CNTNAP5: variants seen among roughly 807,000 people sequenced by gnomAD.
CNTNAP5 encodes contactin associated protein family member 5, also known as contactin-associated protein-like 5.
A neutral mutation model predicts 150.2 loss-of-function variants in CNTNAP5; 72 were observed. The ratio of observed to expected loss-of-function variants is 0.48; its 90% CI spans 0.40 to 0.58. The LOEUF is 0.58. Among genes scored for constraint, CNTNAP5 ranks in the 20% least tolerant of loss-of-function variants. The pLI is 0.00. For missense variants in CNTNAP5, 1,636 were observed against 1,626.2 expected, an observed-to-expected ratio of 1.01 and a Z score of -0.10; for synonymous variants, 672 against 619.8, an observed-to-expected ratio of 1.08 and a Z score of -1.25.
intron 3 of CNTNAP5, among the ~76,000 whole-genome samples, chr2:124,330,808 A>G (rs527386862): frequency 6.6e-6 from 1 of 152,360 alleles, no homozygotes; most frequent in South Asian, 2.1e-4. Flanking sequence ...ACAAAAGTAT[A>G]TATTACCAAA....
intron 3 of CNTNAP5, among the ~76,000 whole-genome samples, chr2:124,408,430 A>C (rs1208789444): frequency 6.6e-6 from 1 of 152,242 alleles, no homozygotes; most frequent in Non-Finnish European, 1.5e-5. Flanking sequence ...CTCTGGGGGC[A>C]GGGCACAGAC....
At chr2:124,421,093 T>C (rs553648239) in intron 4 of CNTNAP5, among the ~76,000 whole-genome samples, 4 of 152,320 alleles carry the variant, frequency 2.6e-5, no homozygotes, top group Non-Finnish European at 5.9e-5. Flanking sequence ...AGTTTGCTAA[T>C]TGGCTATCTC....
intron 1 of CNTNAP5, among the ~76,000 whole-genome samples, chr2:124,036,177 G>A (rs940171083): frequency 2.6e-5 from 4 of 151,676 alleles, no homozygotes; most frequent in Non-Finnish European, 4.4e-5. Flanking sequence ...ACCCGCCTCG[G>A]CCTCCCAAAG....
chr2:124,085,866 A>G (rs1008911545), intron 1 of CNTNAP5, among the ~76,000 whole-genome samples: 6 of 152,172 alleles, frequency 3.9e-5, no homozygotes, highest in Admixed American at 3.3e-4. Context: ...AATACACGCT[A>G]CTTGATTTCA....
intron 13 of CNTNAP5, among the ~76,000 whole-genome samples, chr2:124,655,537 TTATATA>T (rs35983123): frequency 0.2 from 29,500 of 147,972 alleles, 3,661 homozygotes; most frequent in African/African-American, 0.37. Flanking sequence ...CATCAAATGA[TTATATA>T]TATATATATA....
chr2:124,580,762 C>A (rs371270213), intron 11 of CNTNAP5, among the ~76,000 whole-genome samples: 1 of 152,128 alleles, frequency 6.6e-6, no homozygotes, highest in South Asian at 2.1e-4. Context: ...TGTATCTGTT[C>A]GCCTTAACAA....
chr2:124,456,927 A>G (rs1558910799), intron 6 of CNTNAP5, among the ~76,000 whole-genome samples: 1 of 152,260 alleles, frequency 6.6e-6, no homozygotes, highest in Non-Finnish European at 1.5e-5. Context: ...ATGTGAATTA[A>G]AGACTTAAAT....
At chr2:124,456,599 C>G (rs1693124215) in intron 6 of CNTNAP5, among the ~76,000 whole-genome samples, 1 of 151,970 alleles carries the variant, frequency 6.6e-6, no homozygotes, top group South Asian at 2.1e-4. Flanking sequence ...AAAAAGGAGC[C>G]CACATAGTCA....
chr2:124,399,675 G>C (rs1691353673), intron 3 of CNTNAP5, among the ~76,000 whole-genome samples: 1 of 152,132 alleles, frequency 6.6e-6, no homozygotes, highest in African/African-American at 2.4e-5. Flanking sequence ...AGAGCCCACA[G>C]TCTGTGAGTA....
At chr2:124,747,600 A>AGCT (rs796275189) in intron 14 of CNTNAP5, among the ~76,000 whole-genome samples, 13 of 146,372 alleles carry the variant, frequency 8.9e-5, no homozygotes, top group African/African-American at 3.3e-4. Flanking sequence ...TCATACCATC[A>AGCT]GCTGCTGCTT....
chr2:124,491,302 T>C (rs1317581201), intron 7 of CNTNAP5, among the ~76,000 whole-genome samples: 3 of 152,176 alleles, frequency 2.0e-5, no homozygotes, highest in Non-Finnish European at 2.9e-5. Context: ...TATTTGCCTT[T>C]CTATGTCTGG....
chr2:124,683,839 A>G (rs1327377069), intron 13 of CNTNAP5, among the ~76,000 whole-genome samples: 2 of 152,192 alleles, frequency 1.3e-5, no homozygotes, highest in African/African-American at 4.8e-5. Flanking sequence ...AATGTTAGGC[A>G]ACTAACGTTT....
At chr2:124,276,530 G>A (rs897278862) in intron 3 of CNTNAP5, among the ~76,000 whole-genome samples, 9 of 152,094 alleles carry the variant, frequency 5.9e-5, no homozygotes, top group African/African-American at 2.2e-4. Flanking sequence ...ATCTGTACAT[G>A]TTTGGATGAT....
At chr2:124,274,269 C>A (rs1687830767) in intron 3 of CNTNAP5, among the ~76,000 whole-genome samples, 1 of 152,246 alleles carries the variant, frequency 6.6e-6, no homozygotes, top group East Asian at 1.9e-4. Context: ...CACTAGCCAC[C>A]TCCCATTTTT....
At chr2:124,286,415 C>G (rs1221698965) in intron 3 of CNTNAP5, among the ~76,000 whole-genome samples, 1 of 152,220 alleles carries the variant, frequency 6.6e-6, no homozygotes, top group Admixed American at 6.5e-5. Flanking sequence ...CTGGGGAGCT[C>G]TAGGTCCCAC....
intron 3 of CNTNAP5, among the ~76,000 whole-genome samples, chr2:124,271,722 A>G (rs1472655157): frequency 1.3e-5 from 2 of 150,424 alleles, no homozygotes; most frequent in Non-Finnish European, 3.0e-5. Context: ...CTATCTATCT[A>G]TCTATTTATT....
intron 1 of CNTNAP5, among the ~76,000 whole-genome samples, chr2:124,134,067 A>T (rs778123060): frequency 2.0e-5 from 3 of 152,038 alleles, no homozygotes; most frequent in African/African-American, 4.8e-5. Flanking sequence ...TAATGTGCTA[A>T]CTCATCCTAC....
chr2:124,029,879 C>G (rs1343612386), intron 1 of CNTNAP5, among the ~76,000 whole-genome samples: 1 of 152,096 alleles, frequency 6.6e-6, no homozygotes, highest in Non-Finnish European at 1.5e-5. Flanking sequence ...AATTATCCCC[C>G]TTAGATGAGA....
At chr2:124,899,352 T>TAA (rs1678370589) in intron 21 of CNTNAP5, among the ~76,000 whole-genome samples, 1 of 151,494 alleles carries the variant, frequency 6.6e-6, no homozygotes. Flanking sequence ...TCAACTTAGG[T>TAA]AGACCTAATT....
Sources: allele counts gnomAD v4.1 joint callset (sites outside exome capture counted in the v4.1 genomes callset), GRCh38; gene constraint gnomAD v4.1.1; transcripts MANE v1.5; gene names NCBI Gene and HGNC (gene_info 2026-07-23, HGNC 2026-07-21).